The following OXTR variants were observed in gnomAD, a reference collection of about 807,000 sequenced individuals.
OXTR encodes oxytocin receptor.
In OXTR, 19 loss-of-function variants were observed where a neutral mutation model predicts 23.9. The observed-to-expected ratio is 0.80, with a 90% confidence interval of 0.56 to 1.17. OXTR has a LOEUF of 1.17. Ranked by LOEUF, OXTR falls within the 50% of genes most tolerant of loss-of-function variation. OXTR has a pLI of 0.00. For synonymous variants in OXTR, 278 were observed against 250.5 expected (o/e 1.11, Z -1.04); for missense variants, 500 against 550.7 (o/e 0.91, Z 0.92).
At chr3:8,748,648 C>A (rs1708205402), downstream of OXTR, among the ~76,000 whole-genome samples, 1 of 152,222 alleles carries the variant, frequency 6.6e-6, no homozygotes, top group South Asian at 2.1e-4. Context: ...TTATGATCAG[C>A]CATGTCATTC....
At chr3:8,764,703 G>T (rs1345594766) in intron 3 of OXTR, among the ~76,000 whole-genome samples, 1 of 152,180 alleles carries the variant, frequency 6.6e-6, no homozygotes, top group Admixed American at 6.5e-5. Context: ...GATGTGGCCA[G>T]GCTGGTGGTG....
chr3:8,767,245 G>T (rs1047757691), intron 3 of OXTR, 21 bp downstream of exon 3: 1 of 1,517,390 alleles, frequency 6.6e-7, no homozygotes, highest in African/African-American at 1.4e-5. Context: ...CCCTCCTCCT[G>T]GGTCTCCCAG....
At chr3:8,758,668 G>A (rs1215069170) in intron 3 of OXTR, among the ~76,000 whole-genome samples, 1 of 152,202 alleles carries the variant, frequency 6.6e-6, no homozygotes, top group African/African-American at 2.4e-5. Flanking sequence ...AATCACAGAT[G>A]TGTGATCACC....
rs1708698661 is a variant in OXTR, at chr3:8,768,670, A to G, written c.-238-79T>C. 6.5e-6 allele frequency: 1 copy of G among 153,864 alleles called. No individual in the cohort carries two copies. The highest frequency in any genetic ancestry group is 2.4e-5 in the African/African-American group (1 of 41,498). 9.5% of individuals were successfully genotyped at this position (153,864 alleles called of 1,614,324 possible). A position where few individuals can be genotyped will look rare whatever the true frequency, so the allele number is the denominator to read the frequency against. On this transcript the variant is annotated intron_variant, in intron 1 of 3. Transcript: ENST00000316793. This position sits in a 1 kb window ranked among gnomAD's most constrained non-coding sequence, Gnocchi z 5.4. ...TAAAACCAAATCACCTCCCCGAGGGAATCTCCAAACTACCTACTCGCCCCA... is the reference window on the plus strand; with the variant it reads ...TAAAACCAAATCACCTCCCCGAGGGGATCTCCAAACTACCTACTCGCCCCA...
At chr3:8,748,493 ACT>A (rs1370476371), downstream of OXTR, among the ~76,000 whole-genome samples, 1 of 152,038 alleles carries the variant, frequency 6.6e-6, no homozygotes, top group Non-Finnish European at 1.5e-5. Flanking sequence ...CAGGCCAATA[ACT>A]CTGAAGCCCT....
the OXTR span, among the ~76,000 whole-genome samples, chr3:8,744,426 C>T: frequency 6.6e-6 from 1 of 151,302 alleles, no homozygotes; most frequent in Non-Finnish European, 1.5e-5. Context: ...CTACAGACAC[C>T]CGCTGCCATA....
chr3:8,763,316 C>A (rs1708530544), intron 3 of OXTR, among the ~76,000 whole-genome samples: 1 of 152,166 alleles, frequency 6.6e-6, no homozygotes, highest in Non-Finnish European at 1.5e-5. Context: ...GCCGTGCTAT[C>A]CTTATTACAT....
rs916154763 is a variant in OXTR, at chr3:8,754,813, A to G, written c.923-1589T>C. On this transcript the variant is annotated intron_variant, in intron 3 of 3. Coordinates refer to ENST00000316793, the MANE Select transcript of OXTR (RefSeq NM_000916.4). ...ATGTTGTAATTCTAATGCACCCTCA[A>G]GGTTAAGAACCACTAGTCTAATTAA... 7.9e-5 allele frequency among the ~76,000 whole-genome samples: 12 copies of G among 152,350 alleles called. 1 individual carries two copies. Among genetic ancestry groups the G allele is most frequent in the East Asian group, 1.9e-4 (1 of 5,184 alleles).
chr3:8,766,023 C>T (rs531582353), intron 3 of OXTR, among the ~76,000 whole-genome samples: 4 of 152,304 alleles, frequency 2.6e-5, no homozygotes, highest in African/African-American at 9.6e-5. Context: ...GTATTTGAGA[C>T]TATTGGGAGC....
intron 3 of OXTR, among the ~76,000 whole-genome samples, chr3:8,762,570 C>T (rs1451559444): frequency 2.6e-5 from 4 of 152,214 alleles, no homozygotes; most frequent in Non-Finnish European, 5.9e-5. Flanking sequence ...GCCGGCCCAC[C>T]ATGCTCTCCA....
At chr3:8,753,605 G>A (rs1708315415) in intron 3 of OXTR, among the ~76,000 whole-genome samples, 1 of 152,202 alleles carries the variant, frequency 6.6e-6, no homozygotes, top group Non-Finnish European at 1.5e-5. Flanking sequence ...TGCAAGCACA[G>A]TACCCAAAAG....
At chr3:8,744,647 A>G in the OXTR span, among the ~76,000 whole-genome samples, 1 of 152,068 alleles carries the variant, frequency 6.6e-6, no homozygotes, top group Admixed American at 6.5e-5. Context: ...AAGGTGCTTC[A>G]TGCATAGCAG....
At chr3:8,759,922 A>G (rs1259030654) in intron 3 of OXTR, among the ~76,000 whole-genome samples, 1 of 152,108 alleles carries the variant, frequency 6.6e-6, no homozygotes, top group Non-Finnish European at 1.5e-5. Flanking sequence ...CTTAGACAAG[A>G]CCCAGCCTAG....
At chr3:8,760,289 G>A (rs1016564513) in intron 3 of OXTR, among the ~76,000 whole-genome samples, 11 of 152,224 alleles carry the variant, frequency 7.2e-5, no homozygotes, top group Admixed American at 5.9e-4. Flanking sequence ...CAGAAACTGT[G>A]GGTGTCCCTC....
chr3:8,763,499 AC>A, intron 3 of OXTR, among the ~76,000 whole-genome samples: 1 of 152,252 alleles, frequency 6.6e-6, no homozygotes, highest in East Asian at 1.9e-4. Context: ...GCCCCACTCT[AC>A]CAAACTCCCT....
downstream of OXTR, chr3:8,745,873 G>A (rs769655378): frequency 3.1e-6 from 5 of 1,608,034 alleles, no homozygotes; most frequent in Non-Finnish European, 4.2e-6. This position sits in a 1 kb window ranked among gnomAD's most constrained non-coding sequence, Gnocchi z 4.8. Context: ...TCTAAAGCCA[G>A]GTGGGGCAAC....
chr3:8,767,114 G>T (rs531219227), intron 3 of OXTR, 152 bp downstream of exon 3: 3 of 683,296 alleles, frequency 4.4e-6, no homozygotes, highest in East Asian at 3.1e-5. Flanking sequence ...TAAGTCACTT[G>T]GTCAAGGGAT....
chr3:8,755,017 CA>C (rs1157097006), intron 3 of OXTR, among the ~76,000 whole-genome samples: 1 of 151,738 alleles, frequency 6.6e-6, no homozygotes, highest in African/African-American at 2.4e-5. Context: ...CTGGTTTTAA[CA>C]AAAAATATTT....
chr3:8,748,003 T>C (rs764221702), downstream of OXTR, among the ~76,000 whole-genome samples: 2 of 152,118 alleles, frequency 1.3e-5, no homozygotes, highest in African/African-American at 2.4e-5. Context: ...CAAGGAGTTC[T>C]CCCTCCAGGA....
Sources: allele counts gnomAD v4.1 joint callset (sites outside exome capture counted in the v4.1 genomes callset), GRCh38; gene constraint gnomAD v4.1.1; non-coding constraint Gnocchi (gnomAD v3.1); transcripts MANE v1.5; gene names NCBI Gene and HGNC (gene_info 2026-07-23, HGNC 2026-07-21).